The following POC1A variants were observed in gnomAD, a reference collection of about 807,000 sequenced individuals.
The protein encoded by POC1A is POC1 centriolar protein homolog A.
Under a neutral mutation model 47.8 loss-of-function variants are expected in POC1A, and 34 were observed. The ratio of observed to expected loss-of-function variants is 0.71; its 90% CI spans 0.54 to 0.95. POC1A has a LOEUF of 0.95. POC1A is among the 40% of genes least tolerant of loss of function. The probability of loss-of-function intolerance (pLI) is 0.00; values close to 1 mark genes in which losing one functional copy is unlikely to be tolerated. For missense variants in POC1A, 466 were observed against 528.3 expected (o/e 0.88, Z 1.16); for synonymous variants, 177 against 207.6 (o/e 0.85, Z 1.27).
In POC1A at chr3:52,130,238, A is replaced by G. The variant is rs368462746; in HGVS notation, c.814-5057T>C. ...ATGCCCCTCAGTCAGAGGGAAAAGCAGAGTGGCCATCACACAGAGAATGGG... is the reference window on the plus strand; with the variant it reads ...ATGCCCCTCAGTCAGAGGGAAAAGCGGAGTGGCCATCACACAGAGAATGGG... On this transcript the variant is annotated intron_variant, in intron 7 of 10. Coordinates refer to ENST00000296484, the MANE Select transcript of POC1A (RefSeq NM_015426.5). Among the ~76,000 whole-genome samples, 42 of 152,384 alleles carry G rather than the reference A, an allele frequency of 2.8e-4. 3 individuals carry two copies. In the South Asian group the frequency reaches 8.7e-3, roughly 32 times the overall value.
chr3:52,142,749 A>G (rs976512459), intron 6 of POC1A, among the ~76,000 whole-genome samples: 1 of 152,152 alleles, frequency 6.6e-6, no homozygotes, highest in African/African-American at 2.4e-5. Flanking sequence ...CGGATCAGGC[A>G]TCTGTTGCCA....
At chr3:52,102,093 G>A (rs1168356035) in intron 9 of POC1A, among the ~76,000 whole-genome samples, 1 of 151,958 alleles carries the variant, frequency 6.6e-6, no homozygotes, top group Non-Finnish European at 1.5e-5. Context: ...AACTCATCTA[G>A]GATTTTGTTT....
intron 4 of POC1A, among the ~76,000 whole-genome samples, chr3:52,147,683 A>C (rs1478416491): frequency 6.6e-6 from 1 of 152,104 alleles, no homozygotes; most frequent in Non-Finnish European, 1.5e-5. Context: ...GAGTCAAAGG[A>C]TCCTCCCACC....
chr3:52,077,525 C>T (rs1223320606), intron 10 of POC1A, among the ~76,000 whole-genome samples: 1 of 152,188 alleles, frequency 6.6e-6, no homozygotes, highest in African/African-American at 2.4e-5. Context: ...AAATTGCTGC[C>T]CATGGAACAC....
intron 3 of POC1A, 42 bp downstream of exon 3, chr3:52,149,774 G>A (rs369336258): frequency 1.3e-6 from 2 of 1,581,206 alleles, no homozygotes; most frequent in Non-Finnish European, 1.7e-6. Flanking sequence ...CTGGCACCAG[G>A]GCCCCAGACT....
At chr3:52,144,386 G>C (rs1698298700) in intron 6 of POC1A, among the ~76,000 whole-genome samples, 1 of 152,220 alleles carries the variant, frequency 6.6e-6, no homozygotes. Context: ...GTCTGAAAGA[G>C]CATTGGTAAC....
In POC1A at chr3:52,079,238, G is replaced by A. The variant is rs184041291; in HGVS notation, c.1126-3253C>T. ...GGGTTCAGAAAATACATGCTACCTC[G>A]GTGTACACAGGCCACTGCCATTTCC... On this transcript the variant is annotated intron_variant, in intron 10 of 10. Transcript: ENST00000296484. The surrounding 1 kb of genome is among the most constrained non-coding windows in gnomAD (Gnocchi z 4.6). Among the ~76,000 whole-genome samples the A allele has an allele frequency of 1.4e-4, 22 of 152,328 alleles. No individual in the cohort carries two copies. The East Asian group carries it at 3.7e-3, about 25-fold the overall frequency.
At chr3:52,136,116 T>C (rs1704451120) in intron 7 of POC1A, among the ~76,000 whole-genome samples, 1 of 152,186 alleles carries the variant, frequency 6.6e-6, no homozygotes, top group Non-Finnish European at 1.5e-5. Context: ...CAGGGGTTCC[T>C]ACACCTGGAT....
chr3:52,148,114 C>T (rs952836256), intron 4 of POC1A, among the ~76,000 whole-genome samples: 2 of 152,244 alleles, frequency 1.3e-5, no homozygotes, highest in Non-Finnish European at 2.9e-5. Flanking sequence ...CAAAAGCTCA[C>T]CATCAGTGTC....
At chr3:52,151,708 T>TA (rs1009173192) in intron 1 of POC1A, among the ~76,000 whole-genome samples, 1 of 151,640 alleles carries the variant, frequency 6.6e-6, no homozygotes, top group African/African-American at 2.4e-5. Context: ...AAAGAAGACT[T>TA]AAAAAATGGA....
At chr3:52,151,497 G>C (rs1278750026) in intron 1 of POC1A, among the ~76,000 whole-genome samples, 1 of 151,714 alleles carries the variant, frequency 6.6e-6, no homozygotes, top group Non-Finnish European at 1.5e-5. Flanking sequence ...TATAATCCCA[G>C]TTACTCAGGA....
Position 52,145,989 on chromosome 3 carries a change from A to G in POC1A, c.564-28T>C, listed in dbSNP as rs1473074763. The G allele has an allele frequency of 4.3e-6, 6 of 1,383,820 alleles. No individual in the cohort carries two copies. In the Admixed American group the frequency reaches 8.4e-5, roughly 19 times the overall value. The allele number at this position is 1,383,820 out of a possible 1,614,324, so 85.7% of individuals were successfully genotyped here. A position where few individuals can be genotyped will look rare whatever the true frequency, so the allele number is the denominator to read the frequency against. ...GGAAAGACAGGGGCCACTATGCACT[A>G]TAGGAGGTCTGCCCTGGTTCAGGAC... On this transcript the variant is annotated intron_variant, in intron 5 of 10. Coordinates refer to ENST00000296484, the MANE Select transcript of POC1A (RefSeq NM_015426.5).
chr3:52,093,593 T>C (rs2106962768), intron 10 of POC1A, among the ~76,000 whole-genome samples: 1 of 152,332 alleles, frequency 6.6e-6, no homozygotes, highest in African/African-American at 2.4e-5. Context: ...TATTATCAGC[T>C]CTGTGTTCCA....
chr3:52,145,020 C>T (rs926248904), intron 6 of POC1A, among the ~76,000 whole-genome samples: 5 of 152,246 alleles, frequency 3.3e-5, no homozygotes, highest in Non-Finnish European at 7.3e-5. Flanking sequence ...AGCTCTGCCT[C>T]CTTCCTGGTC....
At chr3:52,083,096 G>A (rs973551368) in intron 10 of POC1A, among the ~76,000 whole-genome samples, 4 of 152,124 alleles carry the variant, frequency 2.6e-5, no homozygotes, top group Admixed American at 2.0e-4. Context: ...GGGGTGGCTG[G>A]GGGGAGAGCC....
At chr3:52,123,859 T>A (rs1703894768) in intron 8 of POC1A, among the ~76,000 whole-genome samples, 1 of 152,246 alleles carries the variant, frequency 6.6e-6, no homozygotes, top group Non-Finnish European at 1.5e-5. Context: ...CTATTTACTG[T>A]GTGAAGTTAC....
intron 1 of POC1A, among the ~76,000 whole-genome samples, chr3:52,151,769 T>C (rs2107215196): frequency 6.6e-6 from 1 of 152,008 alleles, no homozygotes; most frequent in Non-Finnish European, 1.5e-5. Flanking sequence ...TAAGATACAA[T>C]ACTACGATAC....
intron 9 of POC1A, among the ~76,000 whole-genome samples, chr3:52,113,003 G>A (rs917586872): frequency 6.6e-6 from 1 of 152,160 alleles, no homozygotes; most frequent in African/African-American, 2.4e-5. Flanking sequence ...AGCAAGCTGT[G>A]TTTTAACAAG....
At chr3:52,111,999 A>C (rs1703403912) in intron 9 of POC1A, among the ~76,000 whole-genome samples, 1 of 152,246 alleles carries the variant, frequency 6.6e-6, no homozygotes, top group Non-Finnish European at 1.5e-5. Context: ...GGGCTGGCAG[A>C]GGCTCACAGC....
Sources: gnomAD v4.1 joint callset for allele counts (sites outside exome capture counted in the v4.1 genomes callset) on GRCh38, gnomAD v4.1.1 for gene constraint, Gnocchi (gnomAD v3.1) non-coding constraint, MANE v1.5 for transcripts, NCBI Gene and HGNC (gene_info 2026-07-23, HGNC 2026-07-21) for gene names.